The following RNF43 variants were observed in gnomAD, a reference collection of about 807,000 sequenced individuals.
RNF43 encodes the protein ring finger protein 43, also known as E3 ubiquitin-protein ligase RNF43.
Under a neutral mutation model 78.4 loss-of-function variants are expected in RNF43, and 37 were observed. The observed-to-expected ratio is 0.47, with a 90% CI of 0.36 to 0.62. The LOEUF is 0.62. Ranked by LOEUF, RNF43 falls within the 20% of genes least tolerant of loss-of-function variation. The probability of loss-of-function intolerance (pLI) is 0.00; values close to 1 mark genes in which losing one functional copy is unlikely to be tolerated. For missense variants in RNF43, 774 were observed against 1,007.9 expected, an observed-to-expected ratio of 0.77 and a Z score of 3.14; for synonymous variants, 347 against 395.0, an observed-to-expected ratio of 0.88 and a Z score of 1.44.
intron 3 of RNF43, among the ~76,000 whole-genome samples, chr17:58,363,891 C>G (rs537835168): frequency 6.6e-6 from 1 of 152,274 alleles, no homozygotes; most frequent in Admixed American, 6.5e-5. Context: ...GGACCTGGCT[C>G]TAGGATGAAA....
In RNF43 at chr17:58,393,013, C is replaced by T. The variant is rs567597112; in HGVS notation, c.253-21980G>A. Among the ~76,000 whole-genome samples, 14 of 152,322 alleles carry T rather than the reference C, an allele frequency of 9.2e-5. No homozygotes were observed. In the East Asian group the frequency reaches 1.2e-3, roughly 13 times the overall value. The stretch of plus-strand genomic sequence containing the variant: ...TCTTCTGCCTCTGACACCCCTGAAA[C>T]GGTAAGAACAACCCCTCATCTTCCT... On this transcript the variant is annotated intron_variant, in intron 2 of 9. Transcript: ENST00000407977.
intron 6 of RNF43, among the ~76,000 whole-genome samples, chr17:58,361,282 T>C (rs775697159): frequency 2.6e-5 from 4 of 152,204 alleles, no homozygotes; most frequent in Non-Finnish European, 4.4e-5. Flanking sequence ...TCCAACCACA[T>C]ACCTGTCTTC....
At position 58,370,939 on chromosome 17, in the gene RNF43, G is replaced by A. The variant is rs2143514365; in HGVS notation, c.347C>T (p.Pro116Leu). 6.2e-7 allele frequency: 1 copy of A among 1,608,508 alleles called. No homozygotes were observed. ...GCTAGCCAGTGACAGGCAGGGGCGG[G>A]GGGCCCGTCGAGGACTCTCCAGCTT... is the stretch of plus-strand genomic sequence containing the variant. ...IVKLESPRRA[P>L]RPCLSLASKA... is the part of the protein sequence containing the mutation. The change falls in exon 3 of 10, where the codon CCC becomes CTC. Residue 116 changes from proline to leucine, a missense_variant. By Grantham distance (98) the Pro-to-Leu change is moderately conservative. Coordinates refer to ENST00000407977, the MANE Select transcript of RNF43 (RefSeq NM_017763.6).
intron 2 of RNF43, among the ~76,000 whole-genome samples, chr17:58,382,679 G>T (rs1171475726): frequency 6.6e-6 from 1 of 152,196 alleles, no homozygotes; most frequent in South Asian, 2.1e-4. Context: ...CCTGAATGGG[G>T]AAGAAAGCAA....
intron 2 of RNF43, among the ~76,000 whole-genome samples, chr17:58,371,514 G>C (rs1287127415): frequency 6.6e-6 from 1 of 152,222 alleles, no homozygotes; most frequent in African/African-American, 2.4e-5. Flanking sequence ...TGCCTCCTCG[G>C]GATGCCCCCA....
chr17:58,383,377 C>T (rs1426707403), intron 2 of RNF43, among the ~76,000 whole-genome samples: 1 of 152,098 alleles, frequency 6.6e-6, no homozygotes, highest in Non-Finnish European at 1.5e-5. Flanking sequence ...GGTGCCTCGA[C>T]CTCCCAGGCC....
chr17:58,360,687 C>T lies in RNF43; in HGVS notation c.849+96G>A. The T allele has an allele frequency of 2.3e-6, 3 of 1,318,192 alleles. No homozygotes were observed. Among genetic ancestry groups the T allele is most frequent in the Non-Finnish European group, 3.1e-6 (3 of 965,704 alleles). 81.7% of individuals were successfully genotyped at this position (1,318,192 alleles called of 1,614,324 possible). A position where few individuals can be genotyped will look rare whatever the true frequency, so the allele number is the denominator to read the frequency against. On this transcript the variant is annotated intron_variant, in intron 7 of 9. Coordinates refer to ENST00000407977, the MANE Select transcript of RNF43 (RefSeq NM_017763.6). The surrounding 1 kb of genome is among the most constrained non-coding windows in gnomAD (Gnocchi z 4.3). Reference sequence around the variant, plus strand: ...AGGACACATGGGAAACAGATGTAGCCAGGGTACCCATACCAGCCCCTAGGC... The same window carrying T: ...AGGACACATGGGAAACAGATGTAGCTAGGGTACCCATACCAGCCCCTAGGC...
Position 58,357,806 on chromosome 17 carries a change from C to T in RNF43, c.1970G>A (p.Arg657Gln), listed in dbSNP as rs142097313. The T allele has an allele frequency of 3.2e-5, 52 of 1,614,024 alleles. No homozygotes were observed. The highest frequency in any genetic ancestry group is 2.2e-4 in the Admixed American group (13 of 60,002). ...LSARHPQRKR[R>Q]GGPSEPTPGS... ...AGGGGTGGGCTCGGAGGGACCCCCC[C>T]GCCTTTTCCTCTGTGGGTGTCGGGC... Residue 657 changes from arginine to glutamine, a missense_variant, in exon 9 of 10, where the codon CGG becomes CAG. Arg to Gln is a conservative substitution (Grantham distance 43). Coordinates refer to ENST00000407977, the MANE Select transcript of RNF43 (RefSeq NM_017763.6). This position sits in a 1 kb window ranked among gnomAD's most constrained non-coding sequence, Gnocchi z 4.5.
At chr17:58,402,086 G>A (rs548479168) in intron 2 of RNF43, among the ~76,000 whole-genome samples, 26 of 152,330 alleles carry the variant, frequency 1.7e-4, no homozygotes, top group African/African-American at 5.8e-4. Context: ...TAGTGGCAAA[G>A]ATAGACAATT....
intron 2 of RNF43, among the ~76,000 whole-genome samples, chr17:58,387,913 G>T (rs1973470954): frequency 6.6e-6 from 1 of 152,044 alleles, no homozygotes; most frequent in Non-Finnish European, 1.5e-5. Context: ...GTGGCTTCAT[G>T]GTGCCATATA....
At position 58,387,769 on chromosome 17, in the gene RNF43, G is replaced by A. The variant is rs151140091; in HGVS notation, c.253-16736C>T. Among the ~76,000 whole-genome samples, 1,189 of 152,242 alleles carry A rather than the reference G, an allele frequency of 7.8e-3. 8 individuals are homozygous for A. The highest frequency in any genetic ancestry group is 0.012 in the Admixed American group (186 of 15,292). On this transcript the variant is annotated intron_variant, in intron 2 of 9. Transcript: ENST00000407977. The stretch of plus-strand genomic sequence containing the variant: ...AACAAAAGCAGATCCAAAAAGTTCC[G>A]AATAGTTCTGAATATGGCTCAGCTA...
At chr17:58,397,098 G>C (rs1973698334) in intron 2 of RNF43, among the ~76,000 whole-genome samples, 1 of 151,028 alleles carries the variant, frequency 6.6e-6, no homozygotes, top group African/African-American at 2.4e-5. Flanking sequence ...GGTAGAGATT[G>C]AAAGAAAAGA....
intron 3 of RNF43, among the ~76,000 whole-genome samples, chr17:58,365,057 C>T (rs1972921935): frequency 6.6e-6 from 1 of 152,190 alleles, no homozygotes; most frequent in Non-Finnish European, 1.5e-5. Context: ...CCCAGGCTTA[C>T]CAGGCTAATT....
intron 2 of RNF43, among the ~76,000 whole-genome samples, chr17:58,397,915 CTAATCAATGTTAT>C (rs763562038): frequency 3.9e-5 from 6 of 152,150 alleles, no homozygotes; most frequent in Non-Finnish European, 8.8e-5. Flanking sequence ...TAGCCAATTA[CTAATCAATGTTAT>C]TTCTGTAAAC....
intron 2 of RNF43, among the ~76,000 whole-genome samples, chr17:58,408,207 T>C (rs887689572): frequency 6.6e-6 from 1 of 152,250 alleles, no homozygotes; most frequent in African/African-American, 2.4e-5. Flanking sequence ...GTTAGGATAG[T>C]TGCTTTTCAT....
At chr17:58,404,569 T>C (rs1973866371) in intron 2 of RNF43, among the ~76,000 whole-genome samples, 1 of 152,236 alleles carries the variant, frequency 6.6e-6, no homozygotes, top group Admixed American at 6.5e-5. Context: ...AGTGGATCGG[T>C]ACATTCTTCT....
intron 2 of RNF43, among the ~76,000 whole-genome samples, chr17:58,376,466 CTT>C (rs1973207690): frequency 1.3e-5 from 2 of 152,304 alleles, no homozygotes; most frequent in Non-Finnish European, 2.9e-5. Flanking sequence ...TGGCTTGACT[CTT>C]TTACAATGAG....
intron 2 of RNF43, among the ~76,000 whole-genome samples, chr17:58,390,734 C>T (rs572229614): frequency 6.6e-6 from 1 of 152,280 alleles, no homozygotes; most frequent in South Asian, 2.1e-4. Flanking sequence ...ATCCCGTTTA[C>T]TAAGTGCCTA....
intron 9 of RNF43, 89 bp from the exon 10 acceptor site, chr17:58,355,075 G>T: frequency 1.8e-6 from 2 of 1,139,682 alleles, no homozygotes; most frequent in Non-Finnish European, 2.6e-6. Flanking sequence ...TGGCTGAGAG[G>T]GGACCACAGG....
Sources: allele counts gnomAD v4.1 joint callset (sites outside exome capture counted in the v4.1 genomes callset), GRCh38; gene constraint gnomAD v4.1.1; non-coding constraint Gnocchi (gnomAD v3.1); transcripts MANE v1.5; gene names NCBI Gene and HGNC (gene_info 2026-07-23, HGNC 2026-07-21).